The following RCOR1 variants were observed in gnomAD, a reference collection of about 807,000 sequenced individuals.
RCOR1 encodes REST corepressor 1, also known as REST corepressor.
A neutral mutation model predicts 64.0 loss-of-function variants in RCOR1; 12 were observed. That is an observed-to-expected ratio of 0.19 (90% confidence interval 0.12 to 0.30). The LOEUF is 0.30. RCOR1 is among the 10% of genes least tolerant of loss of function. RCOR1 has a pLI of 1.00. For missense variants in RCOR1, 502 were observed against 621.2 expected (o/e 0.81, Z 2.04); for synonymous variants, 279 against 227.2 (o/e 1.23, Z -2.05).
At chr14:102,608,162 T>C (rs1169622216) in intron 2 of RCOR1, among the ~76,000 whole-genome samples, 1 of 152,200 alleles carries the variant, frequency 6.6e-6, no homozygotes, top group Non-Finnish European at 1.5e-5. Flanking sequence ...CCGAAACATT[T>C]TCATCACCCT....
chr14:102,648,606 G>GTATT (rs1331529495), intron 2 of RCOR1, among the ~76,000 whole-genome samples: 1 of 152,100 alleles, frequency 6.6e-6, no homozygotes, highest in East Asian at 1.9e-4. Flanking sequence ...AGATCTATGT[G>GTATT]TATTTATTTA....
rs1896341191 is a variant in RCOR1, at chr14:102,730,083, G to A, written c.*3577G>A. 1 of 398,796 alleles carries A rather than the reference G, an allele frequency of 2.5e-6. No homozygotes were observed. Among genetic ancestry groups the A allele is most frequent in the Non-Finnish European group, 4.4e-6 (1 of 226,058 alleles). The allele number at this position is 398,796 out of a possible 1,614,324, so 24.7% of individuals were successfully genotyped here. On this transcript the variant is annotated 3_prime_UTR_variant, in exon 12 of 12. Transcript: ENST00000262241. ...TGGCGTCGCATTCAGAAGAAGGGAA[G>A]GTCAGCAGAGGCTATGCATGTTGTG...
At chr14:102,664,007 A>G (rs983035557) in intron 2 of RCOR1, among the ~76,000 whole-genome samples, 1 of 152,230 alleles carries the variant, frequency 6.6e-6, no homozygotes, top group Non-Finnish European at 1.5e-5. Context: ...CTTCAGTAGC[A>G]TTTGATTAGC....
chr14:102,662,757 T>G (rs138747161), intron 2 of RCOR1: 144 of 312,560 alleles, frequency 4.6e-4, no homozygotes, highest in African/African-American at 3.0e-3. Context: ...TTCCATGATA[T>G]GATTGTACCA....
intron 2 of RCOR1, among the ~76,000 whole-genome samples, chr14:102,663,229 C>A (rs1247257444): frequency 6.6e-6 from 1 of 152,164 alleles, no homozygotes; most frequent in Non-Finnish European, 1.5e-5. Context: ...TGTGAGGCTT[C>A]CCCAGCTGCA....
chr14:102,593,637 C>T (rs1425928031), intron 2 of RCOR1, among the ~76,000 whole-genome samples: 1 of 152,194 alleles, frequency 6.6e-6, no homozygotes, highest in Non-Finnish European at 1.5e-5. Flanking sequence ...GTCCCTGCGT[C>T]CAGGTGAGCT....
chr14:102,626,554 T>C (rs1379747264), intron 2 of RCOR1, among the ~76,000 whole-genome samples: 3 of 152,186 alleles, frequency 2.0e-5, no homozygotes, highest in Non-Finnish European at 2.9e-5. Flanking sequence ...TCATATCCTG[T>C]CTCTTACTGG....
Position 102,730,367 on chromosome 14 carries a change from C to T in RCOR1, c.*3861C>T, listed in dbSNP as rs1896348253. ...GCTGTTGTAAGTAATATTTTAATGTCTCTTTGCCTGTTTTCTATTTCAGCA... is the reference window on the plus strand; with the variant it reads ...GCTGTTGTAAGTAATATTTTAATGTTTCTTTGCCTGTTTTCTATTTCAGCA... On this transcript the variant is annotated 3_prime_UTR_variant, in exon 12 of 12. Coordinates refer to ENST00000262241, the MANE Select transcript of RCOR1 (RefSeq NM_015156.4). 5.2e-6 allele frequency: 1 copy of T among 191,236 alleles called. No individual in the cohort carries two copies. Among genetic ancestry groups the T allele is most frequent in the African/African-American group, 2.3e-5 (1 of 43,136 alleles). The allele number at this position is 191,236 out of a possible 1,614,324, so 11.8% of individuals were successfully genotyped here. A position where few individuals can be genotyped will look rare whatever the true frequency, so the allele number is the denominator to read the frequency against.
Position 102,713,106 on chromosome 14 carries a change from A to G in RCOR1, c.859-1317A>G, listed in dbSNP as rs1005520263. On this transcript the variant is annotated intron_variant, in intron 7 of 11. Transcript: ENST00000262241. ...GTAGCTGGGATTACAGGGGCCCGCA[A>G]CCATGCCTGGCTAATTTTTGTATTT... Among the ~76,000 whole-genome samples the G allele has an allele frequency of 5.3e-5, 8 of 150,434 alleles. 1 individual carries two copies. Among genetic ancestry groups the G allele is most frequent in the African/African-American group, 1.5e-4 (6 of 40,772 alleles).
chr14:102,618,719 A>C (rs924158136), intron 2 of RCOR1, among the ~76,000 whole-genome samples: 17 of 152,212 alleles, frequency 1.1e-4, no homozygotes, highest in African/African-American at 3.9e-4. Context: ...CATTTATGGT[A>C]CTTACCGTTT....
intron 2 of RCOR1, among the ~76,000 whole-genome samples, chr14:102,678,263 G>A (rs1895232830): frequency 1.3e-5 from 2 of 152,122 alleles, no homozygotes; most frequent in Non-Finnish European, 2.9e-5. Context: ...AGTTTTTGAT[G>A]ATTGTGAATA....
intron 2 of RCOR1, among the ~76,000 whole-genome samples, chr14:102,611,142 T>C (rs1197012713): frequency 6.6e-6 from 1 of 152,062 alleles, no homozygotes; most frequent in Non-Finnish European, 1.5e-5. Flanking sequence ...TGATCTTGGC[T>C]CACTGCAGCC....
At chr14:102,642,623 C>A (rs1894392084) in intron 2 of RCOR1, among the ~76,000 whole-genome samples, 1 of 151,948 alleles carries the variant, frequency 6.6e-6, no homozygotes, top group Non-Finnish European at 1.5e-5. Flanking sequence ...ATCGCTTGAG[C>A]CCAGAAATTC....
At chr14:102,726,437 C>CTTTTTTTTTTTTTTT in intron 11 of RCOR1, 31 bp from the exon 12 acceptor site, 3 of 1,412,318 alleles carry the variant, frequency 2.1e-6, no homozygotes, top group Middle Eastern at 1.8e-4. Context: ...CTCTTTGATC[C>CTTTTTTTTTTTTTTT]TTTTTTTTTT....
intron 2 of RCOR1, among the ~76,000 whole-genome samples, chr14:102,642,374 G>A (rs961546917): frequency 6.6e-6 from 1 of 152,310 alleles, no homozygotes; most frequent in African/African-American, 2.4e-5. Context: ...TTTGGCAGGA[G>A]GAAATTGAAG....
intron 2 of RCOR1, among the ~76,000 whole-genome samples, chr14:102,626,244 T>C (rs1220482461): frequency 6.6e-6 from 1 of 152,242 alleles, no homozygotes. Context: ...TTAGTTCTTT[T>C]GGCTATGCCA....
At chr14:102,671,008 A>G (rs1230679346) in intron 2 of RCOR1, among the ~76,000 whole-genome samples, 3 of 152,110 alleles carry the variant, frequency 2.0e-5, no homozygotes, top group Admixed American at 2.0e-4. Context: ...TCCTGACCTC[A>G]GGTGATCCAC....
intron 2 of RCOR1, among the ~76,000 whole-genome samples, chr14:102,646,649 G>A (rs1894483222): frequency 1.3e-5 from 2 of 152,236 alleles, no homozygotes; most frequent in Admixed American, 1.3e-4. Context: ...ATTTAGGTGG[G>A]AAGAGGAAGT....
At chr14:102,598,961 A>G (rs1893327199) in intron 2 of RCOR1, among the ~76,000 whole-genome samples, 1 of 152,040 alleles carries the variant, frequency 6.6e-6, no homozygotes, top group Non-Finnish European at 1.5e-5. Context: ...CTGCCTTTCC[A>G]TGCTGTCTGC....
Sources: allele counts gnomAD v4.1 joint callset (sites outside exome capture counted in the v4.1 genomes callset), GRCh38; gene constraint gnomAD v4.1.1; transcripts MANE v1.5; gene names NCBI Gene and HGNC (gene_info 2026-07-23, HGNC 2026-07-21).